PAX2: variants seen among roughly 807,000 people sequenced by gnomAD.
PAX2 encodes the protein paired box protein Pax-2.
Under a neutral mutation model 41.7 loss-of-function variants are expected in PAX2, and 9 were observed. The observed-to-expected ratio is 0.22, with a 90% CI of 0.13 to 0.38. The LOEUF is 0.38. Among genes scored for constraint, PAX2 ranks in the 10% least tolerant of loss-of-function variants. The probability of loss-of-function intolerance (pLI) is 1.00; values close to 1 mark genes in which losing one functional copy is unlikely to be tolerated. For synonymous variants in PAX2, 221 were observed against 212.7 expected, an observed-to-expected ratio of 1.04 and a Z score of -0.34; for missense variants, 418 against 531.6, an observed-to-expected ratio of 0.79 and a Z score of 2.10.
Position 100,824,528 on chromosome 10 carries a change from T to C in PAX2, c.920-120T>C. ...AGGTGCACAGTGGCACACATACCCC[T>C]GCACGTCTGCACAGAGCTCTTTCCT... On this transcript the variant is annotated intron_variant, in intron 7 of 9. Coordinates refer to ENST00000355243, the MANE Select transcript of PAX2 (RefSeq NM_000278.5). The surrounding 1 kb of genome is among the most constrained non-coding windows in gnomAD (Gnocchi z 6.6). 1 of 792,178 alleles carries C rather than the reference T, an allele frequency of 1.3e-6. No homozygotes were observed. Among genetic ancestry groups the C allele is most frequent in the Non-Finnish European group, 2.3e-6 (1 of 441,262 alleles). 49.1% of individuals were successfully genotyped at this position (792,178 alleles called of 1,614,324 possible).
At chr10:100,744,845 C>A (rs1845091921), upstream of PAX2, among the ~76,000 whole-genome samples, 3 of 152,196 alleles carry the variant, frequency 2.0e-5, no homozygotes, top group South Asian at 6.2e-4. Context: ...CTGCCCAGAC[C>A]CGGTGGGCAA....
chr10:100,780,406 C>T (rs1846571708), intron 4 of PAX2, among the ~76,000 whole-genome samples: 1 of 152,314 alleles, frequency 6.6e-6, no homozygotes, highest in Non-Finnish European at 1.5e-5. Context: ...GATGTGGTTA[C>T]ATTTTTCCTG....
intron 3 of PAX2, among the ~76,000 whole-genome samples, chr10:100,754,628 T>G (rs1024700821): frequency 2.0e-5 from 3 of 152,252 alleles, no homozygotes; most frequent in African/African-American, 7.2e-5. Context: ...CAGGTCATTG[T>G]TCCCCTTGGG....
upstream of PAX2, among the ~76,000 whole-genome samples, chr10:100,741,291 A>G (rs534470063): frequency 4.6e-5 from 7 of 151,704 alleles, no homozygotes; most frequent in Admixed American, 1.3e-4. Context: ...GGAGGGAGCG[A>G]GGAAGCAGAA....
At chr10:100,739,601 G>T (rs1844885126) in intron 1 of PAX2, among the ~76,000 whole-genome samples, 1 of 152,218 alleles carries the variant, frequency 6.6e-6, no homozygotes, top group South Asian at 2.1e-4. Context: ...TATTTCGGCT[G>T]TGGCTGTTTC....
chr10:100,765,033 C>A (rs1269140934), intron 3 of PAX2, among the ~76,000 whole-genome samples: 2 of 152,116 alleles, frequency 1.3e-5, no homozygotes, highest in Non-Finnish European at 2.9e-5. Context: ...CAAATGAAAT[C>A]TGTCTATTCT....
At chr10:100,749,209 G>C (rs1294374330) in intron 1 of PAX2, 2 of 988,866 alleles carry the variant, frequency 2.0e-6, no homozygotes, top group Admixed American at 6.1e-5. Flanking sequence ...GAGAGCAAAG[G>C]GGGGTGTGTG....
At position 100,748,398 on chromosome 10, in the gene PAX2, A is replaced by C; in HGVS notation, c.44-1348A>C. The stretch of plus-strand genomic sequence containing the variant: ...GCAACGCGATCAGAGGTCTTTCCCC[A>C]GGGTTTCACCGAGCTTGCTCTAGGT... On this transcript the variant is annotated intron_variant, in intron 1 of 9. Coordinates refer to ENST00000355243, the MANE Select transcript of PAX2 (RefSeq NM_000278.5). This position sits in a 1 kb window ranked among gnomAD's most constrained non-coding sequence, Gnocchi z 5.0. The C allele has an allele frequency of 1.0e-6, 1 of 979,838 alleles. No homozygotes were observed. Among genetic ancestry groups the C allele is most frequent in the Non-Finnish European group, 1.2e-6 (1 of 829,738 alleles). 60.7% of individuals were successfully genotyped at this position (979,838 alleles called of 1,614,324 possible).
intron 5 of PAX2, among the ~76,000 whole-genome samples, chr10:100,802,669 T>C (rs1217724168): frequency 1.3e-5 from 2 of 152,162 alleles, no homozygotes; most frequent in Non-Finnish European, 2.9e-5. Flanking sequence ...GGGCCATTCC[T>C]GATGCTGGAG....
rs545147853 is a variant in PAX2, at chr10:100,757,581, C to T, written c.410+6690C>T. Among the ~76,000 whole-genome samples, 7 of 152,324 alleles carry T rather than the reference C, an allele frequency of 4.6e-5. No individual in the cohort carries two copies. In the South Asian group the frequency reaches 1.0e-3, roughly 23 times the overall value. ...CCAATTGCATAAGCAGCCAAGAAGGCGCTCTTCCCAACACAATCCTTCCTC... is the reference window on the plus strand; with the variant it reads ...CCAATTGCATAAGCAGCCAAGAAGGTGCTCTTCCCAACACAATCCTTCCTC... On this transcript the variant is annotated intron_variant, in intron 3 of 9. Coordinates refer to ENST00000355243, the MANE Select transcript of PAX2 (RefSeq NM_000278.5).
chr10:100,735,559 G>A (rs1844759063), exon 1 of PAX2: 2 of 538,930 alleles, frequency 3.7e-6, no homozygotes, highest in South Asian at 1.7e-4. Context: ...GGCGGCGGGC[G>A]GCTCGGGTTA....
intron 5 of PAX2, among the ~76,000 whole-genome samples, chr10:100,789,293 A>T (rs544740765): frequency 6.6e-6 from 1 of 152,260 alleles, no homozygotes; most frequent in South Asian, 2.1e-4. Context: ...CTTAGTAGAG[A>T]CAGGGTTTCA....
intron 1 of PAX2, chr10:100,747,666 T>TA: frequency 1.0e-6 from 1 of 975,956 alleles, no homozygotes; most frequent in Non-Finnish European, 1.2e-6. Flanking sequence ...TTGCGGGGGT[T>TA]GGGGGGGGCG....
At chr10:100,746,407 A>C in intron 1 of PAX2, 104 bp downstream of exon 1, 2 of 828,880 alleles carry the variant, frequency 2.4e-6, no homozygotes, top group Non-Finnish European at 4.3e-6. Flanking sequence ...CCCATCTTGG[A>C]GGCCTCCCTG....
chr10:100,758,485 A>T lies in PAX2; in HGVS notation c.410+7594A>T, dbSNP rs1845719851. Reference sequence around the variant, plus strand: ...AGAAACGTTCAGGTTTGTTGTAGGGATGTTGGGGGAAGGAAAGCAGTGCCC... The same window carrying T: ...AGAAACGTTCAGGTTTGTTGTAGGGTTGTTGGGGGAAGGAAAGCAGTGCCC... On this transcript the variant is annotated intron_variant, in intron 3 of 9. Transcript: ENST00000355243. Among the ~76,000 whole-genome samples, 3 of 152,016 alleles carry T rather than the reference A, an allele frequency of 2.0e-5. No homozygotes were observed. The South Asian group carries it at 6.2e-4, about 32-fold the overall frequency.
At chr10:100,764,257 C>T (rs996105619) in intron 3 of PAX2, among the ~76,000 whole-genome samples, 3 of 151,002 alleles carry the variant, frequency 2.0e-5, no homozygotes, top group African/African-American at 7.3e-5. Context: ...CATTCTTCTG[C>T]CTCAGCCTCC....
rs1845416446 is a variant in PAX2, at chr10:100,750,905, C to G, written c.410+14C>G. On this transcript the variant is annotated intron_variant, in intron 3 of 9. Transcript: ENST00000355243. The surrounding 1 kb of genome is among the most constrained non-coding windows in gnomAD (Gnocchi z 4.1). ...TTCCATCAACAGGTGAGCAAGCCAC[C>G]CGGGTTTTCAGGGCTGGACTCCAGC... The G allele has an allele frequency of 1.2e-6, 2 of 1,610,062 alleles. No individual in the cohort carries two copies. Among genetic ancestry groups the G allele is most frequent in the African/African-American group, 1.3e-5 (1 of 74,982 alleles).
intron 1 of PAX2, among the ~76,000 whole-genome samples, chr10:100,737,685 GC>G (rs1374850240): frequency 6.6e-6 from 1 of 152,164 alleles, no homozygotes; most frequent in Non-Finnish European, 1.5e-5. Context: ...TCTTTTCACC[GC>G]CCCCTCCCTC....
At chr10:100,773,368 C>T (rs1233178187) in intron 3 of PAX2, among the ~76,000 whole-genome samples, 1 of 152,130 alleles carries the variant, frequency 6.6e-6, no homozygotes, top group Non-Finnish European at 1.5e-5. Flanking sequence ...CACCTCACTC[C>T]TCCCAAGGTG....
Sources: gnomAD v4.1 joint callset for allele counts (sites outside exome capture counted in the v4.1 genomes callset) on GRCh38, gnomAD v4.1.1 for gene constraint, Gnocchi (gnomAD v3.1) non-coding constraint, MANE v1.5 for transcripts, NCBI Gene and HGNC (gene_info 2026-07-23, HGNC 2026-07-21) for gene names.